HERC1: variants seen among roughly 807,000 people sequenced by gnomAD.
The protein encoded by HERC1 is HECT and RLD domain containing E3 ubiquitin protein ligase family member 1, also known as probable E3 ubiquitin-protein ligase HERC1.
HERC1 carries 160 observed loss-of-function variants against 554.3 expected under a neutral mutation model. That is an observed-to-expected ratio of 0.29 (90% CI 0.25 to 0.33). The LOEUF is 0.33. Ranked by LOEUF, HERC1 falls within the 10% of genes least tolerant of loss-of-function variation. The pLI, the probability that HERC1 is intolerant of heterozygous loss-of-function variation, is 1.00. For missense variants in HERC1, 4,919 were observed against 5,918.5 expected (o/e 0.83, Z 5.54); for synonymous variants, 2,175 against 2,131.7 (o/e 1.02, Z -0.56).
intron 2 of HERC1, among the ~76,000 whole-genome samples, chr15:63,764,974 T>A (rs1309556926): frequency 6.6e-6 from 1 of 152,120 alleles, no homozygotes; most frequent in Non-Finnish European, 1.5e-5. Flanking sequence ...GTGGCAAAGA[T>A]TATTGCTGTG....
At chr15:63,725,254 C>T (rs767322765) in intron 18 of HERC1, 38 bp downstream of exon 18, 2 of 1,547,692 alleles carry the variant, frequency 1.3e-6, no homozygotes, top group Non-Finnish European at 8.9e-7. Context: ...GAGGTACAAA[C>T]AGGCATGTAT....
chr15:63,648,945 C>T (rs1262535521), intron 54 of HERC1, among the ~76,000 whole-genome samples: 2 of 152,228 alleles, frequency 1.3e-5, no homozygotes, highest in Non-Finnish European at 2.9e-5. Flanking sequence ...GATGCATTCA[C>T]GTTCAAAGGA....
chr15:63,672,568 G>C lies in HERC1; in HGVS notation c.7973C>G (p.Thr2658Ser), dbSNP rs1484760750. The change falls in exon 39 of 78, where the codon ACC (threonine) becomes AGC (serine). Residue 2658 changes from threonine to serine, a missense_variant. By Grantham distance (58) the Thr-to-Ser change is moderately conservative (BLOSUM62 1). Around this residue, in one of 11 missense-constraint regions of HERC1, gnomAD observed 1,963 missense variants for 2,228.6 expected, o/e 0.88. Coordinates refer to ENST00000443617, the MANE Select transcript of HERC1 (RefSeq NM_003922.4). ...SSSLEDTTTA[T>S]TPVTDTETVP... The stretch of plus-strand genomic sequence containing the variant: ...TGTTTCTGTGTCAGTGACTGGAGTG[G>C]TGGCAGTTGTGGTGTCCTCCAGAGA... 2 of 1,610,918 alleles carry C rather than the reference G, an allele frequency of 1.2e-6. No individual in the cohort carries two copies. The highest frequency in any genetic ancestry group is 3.4e-5 in the Admixed American group (2 of 59,570).
At chr15:63,784,836 C>T (rs1426692599) in intron 1 of HERC1, among the ~76,000 whole-genome samples, 1 of 152,218 alleles carries the variant, frequency 6.6e-6, no homozygotes, top group African/African-American at 2.4e-5. Flanking sequence ...GGCTCGCTTT[C>T]CTGACCTCAG....
chr15:63,746,992 C>T lies in HERC1; in HGVS notation c.2446G>A (p.Gly816Arg), dbSNP rs754266353. The change falls in exon 12 of 78, where the codon GGG (glycine) becomes AGG (arginine). Residue 816 changes from glycine to arginine, a missense_variant. By Grantham distance (125) the Gly-to-Arg change is moderately radical (BLOSUM62 -2). Coordinates refer to ENST00000443617, the MANE Select transcript of HERC1 (RefSeq NM_003922.4). ...TTTCGAAGTGGACCTGCCTGCCTCCCGAGAATGCTGGTAGCTACCCCTCCC... is the reference window on the plus strand; with the variant it reads ...TTTCGAAGTGGACCTGCCTGCCTCCTGAGAATGCTGGTAGCTACCCCTCCC... ...LAGGVATSIL[G>R]RQAGPLRNLL... 1.3e-6 allele frequency: 2 copies of T among 1,570,872 alleles called. No homozygotes were observed. The highest frequency in any genetic ancestry group is 1.7e-6 in the Non-Finnish European group (2 of 1,158,188).
At chr15:63,664,841 A>C (rs186411243) in intron 42 of HERC1, among the ~76,000 whole-genome samples, 3 of 152,364 alleles carry the variant, frequency 2.0e-5, no homozygotes, top group Admixed American at 2.0e-4. Context: ...AATGAAGCTC[A>C]AATTTAAATG....
intron 12 of HERC1, among the ~76,000 whole-genome samples, chr15:63,739,555 C>T (rs7172848): frequency 0.81 from 123,451 of 151,836 alleles, 52,007 homozygotes; most frequent in Non-Finnish European, 0.87. Context: ...TGGAGTTATA[C>T]AGGCCGAGCG....
At chr15:63,637,464 G>C (rs1467648545) in intron 64 of HERC1, 41 bp downstream of exon 64, 1 of 1,528,714 alleles carries the variant, frequency 6.5e-7, no homozygotes, top group Non-Finnish European at 8.9e-7. Context: ...CCTACATTAG[G>C]CCTTAGGTTC....
chr15:63,629,161 G>A (rs143786459), intron 69 of HERC1, among the ~76,000 whole-genome samples: 1 of 152,092 alleles, frequency 6.6e-6, no homozygotes, highest in African/African-American at 2.4e-5. Flanking sequence ...TCTTGGCCAG[G>A]CTGATCTTGA....
intron 59 of HERC1, among the ~76,000 whole-genome samples, chr15:63,642,708 G>A (rs1480379701): frequency 2.0e-5 from 3 of 152,126 alleles, no homozygotes; most frequent in Non-Finnish European, 4.4e-5. Context: ...ACTTCCAATG[G>A]AAATGAAATT....
At chr15:63,743,774 C>G (rs770522242) in intron 12 of HERC1, among the ~76,000 whole-genome samples, 1 of 152,166 alleles carries the variant, frequency 6.6e-6, no homozygotes, top group East Asian at 1.9e-4. Flanking sequence ...TTTGAATTCT[C>G]TGTGTGAAAG....
chr15:63,687,544 A>G (rs905651374), intron 33 of HERC1, among the ~76,000 whole-genome samples: 1 of 152,054 alleles, frequency 6.6e-6, no homozygotes, highest in African/African-American at 2.4e-5. Context: ...TCTCAAAAAA[A>G]AAAAAGAAAG....
chr15:63,782,402 G>A (rs993561277), intron 1 of HERC1, among the ~76,000 whole-genome samples: 1 of 152,124 alleles, frequency 6.6e-6, no homozygotes, highest in Non-Finnish European at 1.5e-5. Context: ...ATCCAACAAC[G>A]AAGCCTGGAT....
At chr15:63,620,566 G>A (rs1020291441) in intron 74 of HERC1, among the ~76,000 whole-genome samples, 8 of 152,072 alleles carry the variant, frequency 5.3e-5, no homozygotes, top group Non-Finnish European at 1.0e-4. Context: ...TTTCTATCTC[G>A]TTGATCTGTC....
At chr15:63,741,055 C>T (rs891308473) in intron 12 of HERC1, among the ~76,000 whole-genome samples, 1 of 151,592 alleles carries the variant, frequency 6.6e-6, no homozygotes, top group Non-Finnish European at 1.5e-5. Context: ...GTGAGACGGA[C>T]TCTTGCCCTG....
chr15:63,757,498 C>G (rs1337162628), intron 4 of HERC1, among the ~76,000 whole-genome samples: 1 of 152,016 alleles, frequency 6.6e-6, no homozygotes, highest in African/African-American at 2.4e-5. Flanking sequence ...AACTCATGAT[C>G]TCAAACGATC....
Position 63,724,557 on chromosome 15 carries a change from G to C in HERC1, c.3568+735C>G, listed in dbSNP as rs562918238. Among the ~76,000 whole-genome samples, 4 of 151,928 alleles carry C rather than the reference G, an allele frequency of 2.6e-5. No individual in the cohort carries two copies. The South Asian group carries it at 8.4e-4, about 32-fold the overall frequency. On this transcript the variant is annotated intron_variant, in intron 18 of 77. Transcript: ENST00000443617. ...CCTTCTTTCCTCTCAGTCTCTCTTA[G>C]ACTTTCCTTCAGGGACATGTTGAGT...
chr15:63,658,621 T>C lies in HERC1; in HGVS notation c.9522A>G (p.Leu3174=), dbSNP rs1260753817. The C allele has an allele frequency of 6.2e-7, 1 of 1,613,850 alleles. No homozygotes were observed. The highest frequency in any genetic ancestry group is 8.5e-7 in the Non-Finnish European group (1 of 1,179,840). The change falls in exon 48 of 78, where the codon TTA becomes TTG. Residue 3174 remains leucine, a synonymous_variant. Transcript: ENST00000443617. ...CCTGAGCAGCAGCAGTCACTCTCCTTAAAGCCACCACACGGTCATGAGGGT... is the reference window on the plus strand; with the variant it reads ...CCTGAGCAGCAGCAGTCACTCTCCTCAAAGCCACCACACGGTCATGAGGGT... ...LANPHDRVVA[L]RRVTAAAQVL...
intron 1 of HERC1, among the ~76,000 whole-genome samples, chr15:63,782,300 G>A (rs2143301131): frequency 6.6e-6 from 1 of 152,266 alleles, no homozygotes; most frequent in African/African-American, 2.4e-5. Flanking sequence ...CGAAGCTGGT[G>A]GACTTAAAGT....
Sources: allele counts gnomAD v4.1 joint callset (sites outside exome capture counted in the v4.1 genomes callset), GRCh38; gene constraint gnomAD v4.1.1; regional missense constraint gnomAD v4.1.1; transcripts MANE v1.5; gene names NCBI Gene and HGNC (gene_info 2026-07-23, HGNC 2026-07-21).